The following TANK variants were observed in gnomAD, a reference collection of about 807,000 sequenced individuals.
TANK encodes the protein TRAF family member associated NFKB activator.
TANK carries 15 observed loss-of-function variants against 43.6 expected under a neutral mutation model. That is an observed-to-expected ratio of 0.34 (90% confidence interval 0.23 to 0.53). TANK has a LOEUF of 0.53. Ranked by LOEUF, TANK falls within the 20% of genes least tolerant of loss-of-function variation. The pLI, the probability that TANK is intolerant of heterozygous loss-of-function variation, is 0.94. For missense variants in TANK, 417 were observed against 498.6 expected (o/e 0.84, Z 1.56); for synonymous variants, 162 against 178.2 (o/e 0.91, Z 0.73).
chr2:161,178,888 G>A (rs933557441), intron 1 of TANK, among the ~76,000 whole-genome samples: 2 of 152,126 alleles, frequency 1.3e-5, no homozygotes, highest in African/African-American at 4.8e-5. Flanking sequence ...AAGAATCAGA[G>A]TCATTAGTTA....
In TANK at chr2:161,176,434, C is replaced by A. The variant is rs3754973; in HGVS notation, c.-49-3180C>A. ...ATTTCTTTAGCATACATTCTTATTTCAGGAAATAGGATGCATCCGTGTGGA... is the reference window on the plus strand; with the variant it reads ...ATTTCTTTAGCATACATTCTTATTTAAGGAAATAGGATGCATCCGTGTGGA... On this transcript the variant is annotated intron_variant, in intron 1 of 7. Transcript: ENST00000392749. Among the ~76,000 whole-genome samples the A allele has an allele frequency of 4.3e-3, 656 of 152,222 alleles. 12 individuals are homozygous for A. The highest frequency in any genetic ancestry group is 0.03 in the East Asian group (155 of 5,180).
At chr2:161,209,639 T>G (rs187434402) in intron 4 of TANK, among the ~76,000 whole-genome samples, 1 of 152,324 alleles carries the variant, frequency 6.6e-6, no homozygotes, top group African/African-American at 2.4e-5. Context: ...TCTATGCTAC[T>G]TTTTGTTCCT....
chr2:161,235,622 ATC>A lies in TANK; in HGVS notation c.*106_*107del. ...TAAATTCAAGATCATTTATAGGAAA[ATC>A]TAGTTTCACAGCTATTTGAATTTTT... On this transcript the variant is annotated 3_prime_UTR_variant, in exon 8 of 8. Transcript: ENST00000392749. 1 of 964,186 alleles carries A rather than the reference ATC, an allele frequency of 1.0e-6. No individual in the cohort carries two copies. Among genetic ancestry groups the A allele is most frequent in the Non-Finnish European group, 1.4e-6 (1 of 696,484 alleles). 59.7% of individuals were successfully genotyped at this position (964,186 alleles called of 1,614,324 possible).
In TANK at chr2:161,150,589, C is replaced by CTTTT. The variant is rs989283972; in HGVS notation, c.-50+13543_-50+13546dup. ...ATTATTGATTTCAAATCTTCTTCTTCTTTTTTTTTTTTTTTTTTTTCTTTT... is the reference window on the plus strand; with the variant it reads ...ATTATTGATTTCAAATCTTCTTCTTCTTTTTTTTTTTTTTTTTTTTTTTTCTTTT... On this transcript the variant is annotated intron_variant, in intron 1 of 7. Transcript: ENST00000259075. 2.8e-3 allele frequency among the ~76,000 whole-genome samples: 334 copies of CTTTT among 121,424 alleles called. 2 individuals carry two copies. The highest frequency in any genetic ancestry group is 7.1e-3 in the African/African-American group (218 of 30,660). 79.7% of individuals were successfully genotyped at this position (121,424 alleles called of 152,430 possible). A position where few individuals can be genotyped will look rare whatever the true frequency, so the allele number is the denominator to read the frequency against.
intron 3 of TANK, among the ~76,000 whole-genome samples, chr2:161,204,120 A>G (rs1686541695): frequency 6.7e-6 from 1 of 149,548 alleles, no homozygotes; most frequent in Non-Finnish European, 1.5e-5. Flanking sequence ...AAAGCAGGAT[A>G]CATAAATAAG....
At chr2:161,200,466 C>T (rs574853356) in intron 2 of TANK, 6 of 946,798 alleles carry the variant, frequency 6.3e-6, no homozygotes, top group African/African-American at 1.8e-5. Flanking sequence ...AAACCAAGTT[C>T]TACTGGTTAT....
At chr2:161,194,887 A>T (rs182557593) in intron 2 of TANK, among the ~76,000 whole-genome samples, 2 of 152,130 alleles carry the variant, frequency 1.3e-5, no homozygotes, top group African/African-American at 4.8e-5. Flanking sequence ...ACTCTATCCA[A>T]AGTGTTGATG....
Position 161,204,681 on chromosome 2 carries a change from A to G in TANK, c.215A>G (p.Asn72Ser), listed in dbSNP as rs1686566998. The G allele has an allele frequency of 6.2e-7, 1 of 1,608,754 alleles. No individual in the cohort carries two copies. ...AGAGGTTTTTGTCTTGCAGATAACA[A>G]TTATGGCTGTGTTCCTCTGCTTGAA... ...LLLVNSTQDN[N>S]YGCVPLLEDS... The change falls in exon 4 of 8, where the codon AAT becomes AGT. Residue 72 changes from asparagine to serine, a missense_variant. Transcript: ENST00000392749.
intron 2 of TANK, among the ~76,000 whole-genome samples, chr2:161,192,956 A>G (rs1418708127): frequency 6.6e-6 from 1 of 152,184 alleles, no homozygotes; most frequent in African/African-American, 2.4e-5. Context: ...TTTTCTTCCC[A>G]TTGCTATGAA....
intron 6 of TANK, among the ~76,000 whole-genome samples, chr2:161,230,719 G>GCAAA (rs1465736351): frequency 3.3e-5 from 5 of 152,176 alleles, no homozygotes; most frequent in African/African-American, 1.2e-4. Flanking sequence ...TGAACAAGAT[G>GCAAA]CAAAGCTTAC....
At chr2:161,145,771 A>C (rs1233516963) in intron 1 of TANK, among the ~76,000 whole-genome samples, 1 of 151,790 alleles carries the variant, frequency 6.6e-6, no homozygotes, top group East Asian at 1.9e-4. Context: ...CCTTCATTTC[A>C]ACCTTGGAGA....
upstream of TANK, among the ~76,000 whole-genome samples, chr2:161,155,621 G>C (rs1407663004): frequency 6.6e-6 from 1 of 152,186 alleles, no homozygotes; most frequent in Admixed American, 6.5e-5. Flanking sequence ...ATTCTATTCA[G>C]CTTTTGAAGT....
At chr2:161,196,342 G>A (rs192993811) in intron 2 of TANK, among the ~76,000 whole-genome samples, 24 of 152,210 alleles carry the variant, frequency 1.6e-4, no homozygotes, top group African/African-American at 5.5e-4. Context: ...CTATAGCTTA[G>A]AAGAGAGATC....
chr2:161,137,184 T>C, intron 1 of TANK: 1 of 985,458 alleles, frequency 1.0e-6, no homozygotes. Context: ...ATTTATGACA[T>C]GATTCAATAA....
At chr2:161,217,127 T>C (rs1559002130) in intron 4 of TANK, among the ~76,000 whole-genome samples, 1 of 152,026 alleles carries the variant, frequency 6.6e-6, no homozygotes, top group Non-Finnish European at 1.5e-5. Context: ...TTTTCTAGAG[T>C]GGTGAAGGGT....
At chr2:161,142,055 T>C (rs1356588550) in intron 1 of TANK, among the ~76,000 whole-genome samples, 5 of 152,202 alleles carry the variant, frequency 3.3e-5, no homozygotes, top group Admixed American at 6.5e-5. Flanking sequence ...ATTGTGGGTT[T>C]GATTTGCATT....
chr2:161,212,902 T>C, intron 4 of TANK: 5 of 520,314 alleles, frequency 9.6e-6, no homozygotes, highest in Non-Finnish European at 9.9e-6. Flanking sequence ...ATTTGGCTCA[T>C]GATTTTGATA....
chr2:161,193,264 A>G (rs1420780433), intron 2 of TANK, among the ~76,000 whole-genome samples: 1 of 152,220 alleles, frequency 6.6e-6, no homozygotes, highest in Non-Finnish European at 1.5e-5. Context: ...TTTAATCACA[A>G]TAGCCTCTGA....
chr2:161,140,434 G>A (rs1042297621), intron 1 of TANK, among the ~76,000 whole-genome samples: 2 of 151,848 alleles, frequency 1.3e-5, no homozygotes, highest in Admixed American at 6.6e-5. Flanking sequence ...CCATAACTAT[G>A]TGGATAACCC....
Sources: gnomAD v4.1 joint callset for allele counts (sites outside exome capture counted in the v4.1 genomes callset) on GRCh38, gnomAD v4.1.1 for gene constraint, MANE v1.5 for transcripts, NCBI Gene and HGNC (gene_info 2026-07-23, HGNC 2026-07-21) for gene names.